ISLR2: variants seen among roughly 807,000 people sequenced by gnomAD.
ISLR2 encodes the protein immunoglobulin superfamily containing leucine rich repeat 2.
In ISLR2, 16 loss-of-function variants were observed where a neutral mutation model predicts 25.5. The ratio of observed to expected loss-of-function variants is 0.63; its 90% CI spans 0.43 to 0.95. The LOEUF (loss-of-function observed/expected upper bound fraction) is 0.95, where lower values mean the gene tolerates loss of function less well. Ranked by LOEUF, ISLR2 falls within the 40% of genes least tolerant of loss-of-function variation. The pLI is 0.00. For missense variants in ISLR2, 883 were observed against 1,030.7 expected (o/e 0.86, Z 1.96); for synonymous variants, 508 against 486.6 (o/e 1.04, Z -0.58).
At chr15:74,111,591 TATTC>T (rs71137377) in intron 2 of ISLR2, among the ~76,000 whole-genome samples, 16,948 of 150,866 alleles carry the variant, frequency 0.11, 1,264 homozygotes, top group East Asian at 0.26. Flanking sequence ...GCCAGGCCTC[TATTC>T]ATTCATTCAT....
intron 2 of ISLR2, among the ~76,000 whole-genome samples, chr15:74,110,098 G>A (rs550790004): frequency 1.3e-3 from 196 of 152,280 alleles, no homozygotes; most frequent in African/African-American, 4.6e-3. Flanking sequence ...TTAAAAATGA[G>A]TTGACTTAAA....
rs1261068301 is a variant in ISLR2, at chr15:74,133,583, C to G, written c.829C>G (p.Pro277Ala). ...TCGCCTGCAATGGCAACTTCAGATC[C>G]CCGGTGGCACCGTAGTCTTAGAGCC... ...TPRLQWQLQI[P>A]GGTVVLEPPV... The change falls in exon 3 of 3, where the codon CCC becomes GCC. Residue 277 changes from proline to alanine, a missense_variant. Transcript: ENST00000453268. 1.9e-6 allele frequency: 3 copies of G among 1,614,164 alleles called. No homozygotes were observed. In the South Asian group the frequency reaches 3.3e-5, roughly 18 times the overall value.
chr15:74,120,464 G>C (rs1015138392), intron 2 of ISLR2, among the ~76,000 whole-genome samples: 2 of 150,648 alleles, frequency 1.3e-5, no homozygotes, highest in Non-Finnish European at 3.0e-5. Flanking sequence ...GGAGGTTGCA[G>C]TGAGTCGAGA....
chr15:74,124,848 G>T (rs2072280575), upstream of ISLR2, among the ~76,000 whole-genome samples: 2 of 152,228 alleles, frequency 1.3e-5, no homozygotes, highest in African/African-American at 4.8e-5. Context: ...AAGGGACCCA[G>T]TCCTTGGGCT....
At chr15:74,113,317 A>G (rs1367079801) in intron 2 of ISLR2, among the ~76,000 whole-genome samples, 1 of 152,006 alleles carries the variant, frequency 6.6e-6, no homozygotes, top group African/African-American at 2.4e-5. Context: ...CACCCAACTC[A>G]GTTTTGAATT....
intron 2 of ISLR2, among the ~76,000 whole-genome samples, chr15:74,112,515 C>G (rs1342227557): frequency 6.6e-6 from 1 of 150,964 alleles, no homozygotes; most frequent in Non-Finnish European, 1.5e-5. Flanking sequence ...ATGTGTGAGC[C>G]ATTTATGGGT....
At chr15:74,119,608 T>C (rs1464628829) in intron 2 of ISLR2, among the ~76,000 whole-genome samples, 1 of 152,140 alleles carries the variant, frequency 6.6e-6, no homozygotes, top group East Asian at 1.9e-4. Flanking sequence ...TTAAATGTTC[T>C]TACCACAAAA....
chr15:74,123,182 C>T (rs772234134), upstream of ISLR2, among the ~76,000 whole-genome samples: 28 of 152,208 alleles, frequency 1.8e-4, 1 homozygote, highest in Non-Finnish European at 2.9e-4. Flanking sequence ...CAGTGCACAG[C>T]AGTTTGGGGG....
upstream of ISLR2, among the ~76,000 whole-genome samples, chr15:74,124,721 C>T (rs750460459): frequency 1.3e-5 from 2 of 151,930 alleles, no homozygotes; most frequent in Non-Finnish European, 2.9e-5. Flanking sequence ...ATTGTGCCAC[C>T]GCACTTCAGC....
At chr15:74,128,919 C>T (rs1289651062), upstream of ISLR2, 1 of 424,986 alleles carries the variant, frequency 2.4e-6, no homozygotes, top group East Asian at 7.2e-5. Context: ...CCGCCGTCTG[C>T]CTCCTTCTCC....
intron 2 of ISLR2, among the ~76,000 whole-genome samples, chr15:74,121,734 C>T (rs1040653028): frequency 1.3e-5 from 2 of 152,194 alleles, no homozygotes; most frequent in Non-Finnish European, 2.9e-5. Context: ...CAGACTTGGC[C>T]ATTTGAACTG....
In ISLR2 at chr15:74,134,956, G is replaced by A. The variant is rs770989529; in HGVS notation, c.2202G>A (p.Gln734=). 5 of 1,613,586 alleles carry A rather than the reference G, an allele frequency of 3.1e-6. No individual in the cohort carries two copies. The East Asian group carries it at 8.9e-5, about 29-fold the overall frequency. Residue 734 remains glutamine (Q), a synonymous_variant, in exon 3 of 3, where the codon CAG becomes CAA. Transcript: ENST00000453268. ...GCGCCGAGGCGGTCAACATCGCCCA[G>A]GAGATTAATGGCAACTACAGGCAGA... The part of the protein sequence containing the change: ...PLGAEAVNIA[Q]EINGNYRQTA...
chr15:74,119,249 C>T (rs187375772), intron 2 of ISLR2, among the ~76,000 whole-genome samples: 2 of 152,134 alleles, frequency 1.3e-5, no homozygotes, highest in Non-Finnish European at 2.9e-5. Flanking sequence ...CTTACTCTGT[C>T]CCCAAGGCTG....
chr15:74,133,646 G>C lies in ISLR2; in HGVS notation c.892G>C (p.Glu298Gln). The C allele has an allele frequency of 6.2e-7, 1 of 1,612,658 alleles. No individual in the cohort carries two copies. The highest frequency in any genetic ancestry group is 2.2e-5 in the East Asian group (1 of 44,790). Residue 298 changes from glutamate (E) to glutamine (Q), a missense_variant, in exon 3 of 3, where the codon GAG (glutamate) becomes CAG (glutamine). Physicochemically the swap from Glu to Gln is conservative, Grantham distance 29. Around this residue, in one of 2 missense-constraint regions of ISLR2, gnomAD observed 612 missense variants for 642.8 expected, o/e 0.95. Transcript: ENST00000453268. The stretch of plus-strand genomic sequence containing the variant: ...CGGGGAGGACGACGGGGTTGGGGCG[G>C]AGGAAGGAGAGGGAGAAGGAGATGG... ...LSGEDDGVGA[E>Q]EGEGEGDGDL...
chr15:74,100,371 C>G (rs1441757915), exon 1 of ISLR2: 2 of 1,195,850 alleles, frequency 1.7e-6, no homozygotes, highest in African/African-American at 3.2e-5. Flanking sequence ...GGGCGAAATG[C>G]TGGCGTCTGC....
chr15:74,134,283 G>A lies in ISLR2; in HGVS notation c.1529G>A (p.Gly510Asp), dbSNP rs1308166505. The A allele has an allele frequency of 1.3e-6, 2 of 1,548,690 alleles. No homozygotes were observed. Among genetic ancestry groups the A allele is most frequent in the South Asian group, 1.2e-5 (1 of 84,180 alleles). ...VQLTPLAARW[G>D]PGPGGAGGAP... Reference sequence around the variant, plus strand: ...CTGACTCCGCTGGCTGCGCGCTGGGGCCCTGGGCCCGGCGGGGCTGGCGGA... The same window carrying A: ...CTGACTCCGCTGGCTGCGCGCTGGGACCCTGGGCCCGGCGGGGCTGGCGGA... Residue 510 changes from glycine (G) to aspartate (D), a missense_variant, in exon 3 of 3, where the codon GGC (glycine) becomes GAC (aspartate). Coordinates refer to ENST00000453268, the MANE Select transcript of ISLR2 (RefSeq NM_020851.3).
chr15:74,133,992 C>A lies in ISLR2; in HGVS notation c.1238C>A (p.Pro413His). The change falls in exon 3 of 3, where the codon CCC becomes CAC. Residue 413 changes from proline (P) to histidine (H), a missense_variant. This residue lies in a region of ISLR2 where 612 missense variants were observed against 642.8 expected (regional missense o/e 0.95). Coordinates refer to ENST00000453268, the MANE Select transcript of ISLR2 (RefSeq NM_020851.3). The part of the protein sequence containing the change: ...GRGNSVLPSK[P>H]EGKIKGQGLA... ...GGCAACAGCGTCCTGCCTTCCAAAC[C>A]CGAGGGCAAAATCAAAGGCCAAGGC... The A allele has an allele frequency of 1.9e-6, 3 of 1,612,242 alleles. No homozygotes were observed. The highest frequency in any genetic ancestry group is 4.5e-5 in the East Asian group (2 of 44,816).
chr15:74,133,495 C>T lies in ISLR2; in HGVS notation c.741C>T (p.Gly247=), dbSNP rs763180855. Reference sequence around the variant, plus strand: ...CCGAGCCACCGCTTGAAGCACCCGGCACCCCACTGCGCGCAGGACTGGCGT... The same window carrying T: ...CCGAGCCACCGCTTGAAGCACCCGGTACCCCACTGCGCGCAGGACTGGCGT... ...LSAEPPLEAP[G]TPLRAGLAFV... Residue 247 remains glycine (G), a synonymous_variant, in exon 3 of 3, where the codon GGC becomes GGT. Transcript: ENST00000453268. 1 of 1,613,834 alleles carries T rather than the reference C, an allele frequency of 6.2e-7. No homozygotes were observed. Among genetic ancestry groups the T allele is most frequent in the African/African-American group, 1.3e-5 (1 of 75,068 alleles).
Position 74,132,838 on chromosome 15 carries a change from C to G in ISLR2, c.84C>G (p.Asp28Glu). ...GSCPEPCACV[D>E]KYAHQFADCA... ...GCCCGGAGCCGTGCGCCTGCGTGGA[C>G]AAGTACGCTCACCAGTTCGCGGACT... The change falls in exon 3 of 3, where the codon GAC becomes GAG. Residue 28 changes from aspartate (D) to glutamate (E), a missense_variant. By Grantham distance (45) the Asp-to-Glu change is conservative. Transcript: ENST00000453268. This position sits in a 1 kb window ranked among gnomAD's most constrained non-coding sequence, Gnocchi z 4.3. The G allele has an allele frequency of 6.2e-7, 1 of 1,614,136 alleles. No homozygotes were observed. The highest frequency in any genetic ancestry group is 1.3e-5 in the African/African-American group (1 of 75,072).
Sources: allele counts gnomAD v4.1 joint callset (sites outside exome capture counted in the v4.1 genomes callset), GRCh38; gene constraint gnomAD v4.1.1; regional missense constraint gnomAD v4.1.1; non-coding constraint Gnocchi (gnomAD v3.1); transcripts MANE v1.5; gene names NCBI Gene and HGNC (gene_info 2026-07-23, HGNC 2026-07-21).